FRMPD1: variants seen among roughly 807,000 people sequenced by gnomAD.
The protein encoded by FRMPD1 is FERM and PDZ domain-containing protein 1.
Under a neutral mutation model 117.8 loss-of-function variants are expected in FRMPD1, and 76 were observed. That is an observed-to-expected ratio of 0.65 (90% confidence interval 0.54 to 0.78). FRMPD1 has a LOEUF of 0.78. Ranked by LOEUF, FRMPD1 falls within the 30% of genes least tolerant of loss-of-function variation. The pLI, the probability that FRMPD1 is intolerant of heterozygous loss-of-function variation, is 0.00. For synonymous variants in FRMPD1, 783 were observed against 770.4 expected, an observed-to-expected ratio of 1.02 and a Z score of -0.27; for missense variants, 1,786 against 1,964.5, an observed-to-expected ratio of 0.91 and a Z score of 1.72.
In FRMPD1 at chr9:37,667,124, C is replaced by T. The variant is rs149946702; in HGVS notation, c.-5+16030C>T. On this transcript the variant is annotated intron_variant, in intron 1 of 15. Coordinates refer to ENST00000377765, the MANE Select transcript of FRMPD1 (RefSeq NM_014907.3). ...TGTCACCCAGGCTGGAGTGCAGTGG[C>T]GTGACCTTGGCTTACTGCAACTGCT... is the stretch of plus-strand genomic sequence containing the variant. Among the ~76,000 whole-genome samples the T allele has an allele frequency of 4.3e-5, 6 of 138,946 alleles. No homozygotes were observed. The East Asian group carries it at 1.1e-3, about 25-fold the overall frequency. The allele number at this position is 138,946 out of a possible 152,430, so 91.2% of individuals were successfully genotyped here.
the FRMPD1 span, among the ~76,000 whole-genome samples, chr9:37,618,283 TCA>T: frequency 1.3e-5 from 2 of 152,146 alleles, no homozygotes; most frequent in Non-Finnish European, 2.9e-5. Flanking sequence ...CAGTTCAATC[TCA>T]CAAATATTTA....
rs754481290 is a variant in FRMPD1 at position 37,745,821 on chromosome 9, A to C, written c.3789A>C (p.Pro1263=). ...EPSLPEPLPC[P]QEDPHLETSN... is the part of the protein sequence containing the mutation. ...CCCTGCCAGAACCACTACCATGTCC[A>C]CAAGAGGATCCTCACTTAGAAACTT... The change falls in exon 16 of 16, where the codon CCA becomes CCC. Residue 1263 remains proline (P), a synonymous_variant. Transcript: ENST00000377765. 18 of 1,614,150 alleles carry C rather than the reference A, an allele frequency of 1.1e-5. No individual in the cohort carries two copies. The South Asian group carries it at 1.9e-4, about 17-fold the overall frequency.
intron 2 of FRMPD1, among the ~76,000 whole-genome samples, chr9:37,699,767 T>C (rs1822467503): frequency 6.6e-6 from 1 of 152,214 alleles, no homozygotes; most frequent in African/African-American, 2.4e-5. Flanking sequence ...TTCTTTTAAC[T>C]TGTCTTGAAT....
At chr9:37,652,146 C>T (rs1372771455) in intron 1 of FRMPD1, among the ~76,000 whole-genome samples, 1 of 152,028 alleles carries the variant, frequency 6.6e-6, no homozygotes, top group Non-Finnish European at 1.5e-5. Flanking sequence ...GTAAAAACCT[C>T]AGAATGGTTG....
At chr9:37,717,381 A>ATT (rs61705193) in intron 5 of FRMPD1, among the ~76,000 whole-genome samples, 2,829 of 114,316 alleles carry the variant, frequency 0.025, 80 homozygotes, top group Non-Finnish European at 0.039. Context: ...ATATATATAT[A>ATT]TTTTTTTTTT....
At chr9:37,623,997 G>A in the FRMPD1 span, among the ~76,000 whole-genome samples, 102 of 152,168 alleles carry the variant, frequency 6.7e-4, no homozygotes, top group Non-Finnish European at 1.3e-3. Context: ...CGGGGCCCCA[G>A]CGGGAAGACA....
intron 2 of FRMPD1, among the ~76,000 whole-genome samples, chr9:37,702,281 A>G (rs1025831044): frequency 2.0e-5 from 3 of 152,244 alleles, no homozygotes; most frequent in Non-Finnish European, 2.9e-5. Flanking sequence ...TATTTGCCCA[A>G]TAAGCACTGA....
At chr9:37,636,458 C>CA in the FRMPD1 span, among the ~76,000 whole-genome samples, 1 of 152,186 alleles carries the variant, frequency 6.6e-6, no homozygotes, top group Admixed American at 6.5e-5. Flanking sequence ...AGCAGCAGAG[C>CA]AGGCCCCCGC....
chr9:37,612,582 G>A, the FRMPD1 span, among the ~76,000 whole-genome samples: 1 of 146,346 alleles, frequency 6.8e-6, no homozygotes, highest in Non-Finnish European at 1.5e-5. Flanking sequence ...GCAGTGGCAC[G>A]ATCTCAGCTC....
At chr9:37,731,999 A>G (rs945294982) in intron 9 of FRMPD1, among the ~76,000 whole-genome samples, 5 of 152,250 alleles carry the variant, frequency 3.3e-5, no homozygotes, top group Admixed American at 6.5e-5. Context: ...AAATAATAAT[A>G]ATAGCAATAA....
At chr9:37,637,976 C>CTTTCTT in the FRMPD1 span, among the ~76,000 whole-genome samples, 1 of 98,654 alleles carries the variant, frequency 1.0e-5, no homozygotes, top group Non-Finnish European at 2.1e-5. Context: ...TTCTTTCTTT[C>CTTTCTT]TTTCTTTCTT....
intron 8 of FRMPD1, among the ~76,000 whole-genome samples, chr9:37,730,311 T>C (rs970348424): frequency 2.0e-5 from 3 of 152,192 alleles, no homozygotes; most frequent in Non-Finnish European, 4.4e-5. Flanking sequence ...TCTATATCAC[T>C]CAATCTCCCA....
At chr9:37,641,324 G>A in the FRMPD1 span, among the ~76,000 whole-genome samples, 50 of 152,326 alleles carry the variant, frequency 3.3e-4, no homozygotes, top group South Asian at 0.01. Context: ...GTCAAGATCT[G>A]GGAGTTTCAA....
At chr9:37,683,942 GAA>G (rs1821828798) in intron 1 of FRMPD1, among the ~76,000 whole-genome samples, 1 of 150,868 alleles carries the variant, frequency 6.6e-6, no homozygotes, top group African/African-American at 2.4e-5. Context: ...TGAGGGAGAT[GAA>G]GTTGGTGGGT....
intron 1 of FRMPD1, among the ~76,000 whole-genome samples, chr9:37,669,038 T>C (rs1244391502): frequency 3.3e-5 from 5 of 152,156 alleles, no homozygotes; most frequent in Non-Finnish European, 5.9e-5. Flanking sequence ...CCTGAGAGGA[T>C]AATGAGCAAT....
chr9:37,711,313 G>T (rs767053715), intron 4 of FRMPD1, 37 bp from the exon 5 acceptor site: 1 of 1,436,424 alleles, frequency 7.0e-7, no homozygotes, highest in Non-Finnish European at 9.8e-7. Context: ...CACGCAGAAC[G>T]ACTAAATGTT....
In FRMPD1 at chr9:37,740,483, C is replaced by T. The variant is rs765359233; in HGVS notation, c.1955C>T (p.Thr652Ile). ...CAGGAGGAGAGAAGCGGGATTGAAA[C>T]CAGTGGCTTCCTCTGTCTCCTGGAC... Reference protein sequence around the residue: ...DSQEERSGIETSGFLCLLDLA... With the variant: ...DSQEERSGIEISGFLCLLDLA... The change falls in exon 15 of 16, where the codon ACC becomes ATC. Residue 652 changes from threonine to isoleucine, a missense_variant. Physicochemically the swap from Thr to Ile is moderately conservative, Grantham distance 89 (BLOSUM62 -1). Coordinates refer to ENST00000377765, the MANE Select transcript of FRMPD1 (RefSeq NM_014907.3). The surrounding 1 kb of genome is among the most constrained non-coding windows in gnomAD (Gnocchi z 4.2). 5 of 1,614,104 alleles carry T rather than the reference C, an allele frequency of 3.1e-6. No individual in the cohort carries two copies. The highest frequency in any genetic ancestry group is 3.3e-4 in the Middle Eastern group (2 of 6,062).
At chr9:37,739,809 C>T (rs942925397) in intron 14 of FRMPD1, among the ~76,000 whole-genome samples, 1 of 152,212 alleles carries the variant, frequency 6.6e-6, no homozygotes, top group African/African-American at 2.4e-5. Flanking sequence ...TTTCCATGAA[C>T]AGACAGTTCT....
In FRMPD1 at chr9:37,740,824, A is replaced by C. The variant is rs1824372532; in HGVS notation, c.2296A>C (p.Ser766Arg). ...LHPPLAFEDG[S>R]SDEEYYDAAD... ...CCCACCACTGGCCTTTGAGGATGGC[A>C]GCTCAGATGAGGAATACTATGACGC... Residue 766 changes from serine to arginine, a missense_variant, in exon 15 of 16, where the codon AGC becomes CGC. Physicochemically the swap from Ser to Arg is moderately radical, Grantham distance 110. Coordinates refer to ENST00000377765, the MANE Select transcript of FRMPD1 (RefSeq NM_014907.3). This position sits in a 1 kb window ranked among gnomAD's most constrained non-coding sequence, Gnocchi z 4.2. 2 of 1,614,182 alleles carry C rather than the reference A, an allele frequency of 1.2e-6. No individual in the cohort carries two copies. The highest frequency in any genetic ancestry group is 1.7e-6 in the Non-Finnish European group (2 of 1,180,014).
Sources: gnomAD v4.1 joint callset for allele counts (sites outside exome capture counted in the v4.1 genomes callset) on GRCh38, gnomAD v4.1.1 for gene constraint, Gnocchi (gnomAD v3.1) non-coding constraint, MANE v1.5 for transcripts, NCBI Gene and HGNC (gene_info 2026-07-23, HGNC 2026-07-21) for gene names.